Variants in TNRC6B observed in about 807,000 individuals in gnomAD.
TNRC6B encodes trinucleotide repeat-containing gene 6B protein.
TNRC6B carries 52 observed loss-of-function variants against 203.6 expected under a neutral mutation model. The observed-to-expected ratio is 0.26, with a 90% confidence interval of 0.20 to 0.32. TNRC6B has a LOEUF of 0.32. Among genes scored for constraint, TNRC6B ranks in the 10% least tolerant of loss-of-function variants. The pLI is 1.00. For synonymous variants in TNRC6B, 838 were observed against 845.7 expected (o/e 0.99, Z 0.16); for missense variants, 1,923 against 2,286.2 (o/e 0.84, Z 3.24).
At position 40,280,111 on chromosome 22, in the gene TNRC6B, G is replaced by A. The variant is rs770634666; in HGVS notation, c.3379G>A (p.Gly1127Arg). Residue 1127 changes from glycine to arginine, a missense_variant, in exon 10 of 23, where the codon GGA (glycine) becomes AGA (arginine). Coordinates refer to ENST00000454349, the MANE Select transcript of TNRC6B (RefSeq NM_001162501.2). Reference sequence around the variant, plus strand: ...CCGTCCACCTAATTCCAAAGACATGGGAACCACAGATAGTGGGCCTTATTT... The same window carrying A: ...CCGTCCACCTAATTCCAAAGACATGAGAACCACAGATAGTGGGCCTTATTT... ...GFRPPNSKDM[G>R]TTDSGPYFEK... 1 of 1,613,660 alleles carries A rather than the reference G, an allele frequency of 6.2e-7. No individual in the cohort carries two copies. Among genetic ancestry groups the A allele is most frequent in the Non-Finnish European group, 8.5e-7 (1 of 1,179,692 alleles).
At chr22:40,307,355 G>A (rs1308795848) in intron 15 of TNRC6B, among the ~76,000 whole-genome samples, 2 of 152,180 alleles carry the variant, frequency 1.3e-5, no homozygotes, top group Non-Finnish European at 2.9e-5. Flanking sequence ...CTCTGCCGTG[G>A]TGGGAGGCTT....
At chr22:40,268,645 C>G (rs2070513251) in intron 5 of TNRC6B, among the ~76,000 whole-genome samples, 1 of 152,060 alleles carries the variant, frequency 6.6e-6, no homozygotes, top group African/African-American at 2.4e-5. Flanking sequence ...GGCGCGGTGG[C>G]TCACGCCTGT....
intron 1 of TNRC6B, among the ~76,000 whole-genome samples, chr22:40,180,992 A>G (rs868274713): frequency 6.6e-6 from 1 of 152,212 alleles, no homozygotes; most frequent in African/African-American, 2.4e-5. Flanking sequence ...CATGACTGAA[A>G]GATCACAAAA....
At chr22:40,123,702 TTCTGGTTCAGCTATGCCTATAATGCATCA>T (rs1280046847) in intron 2 of TNRC6B, among the ~76,000 whole-genome samples, 36 of 152,190 alleles carry the variant, frequency 2.4e-4, no homozygotes, top group Admixed American at 2.3e-3. Context: ...CAAGGAGTTT[TTCTGGTTCAGCTATGCCTATAATGCATCA>T]TCTGGTTCAG....
chr22:40,145,347 T>A (rs1285637499), intron 3 of TNRC6B, among the ~76,000 whole-genome samples: 1 of 152,062 alleles, frequency 6.6e-6, no homozygotes, highest in Non-Finnish European at 1.5e-5. Context: ...AAAAAAAAAA[T>A]TGAGGAGCTT....
chr22:40,106,919 A>G, intron 1 of TNRC6B: 1 of 1,005,052 alleles, frequency 9.9e-7, no homozygotes, highest in Middle Eastern at 3.0e-4. Flanking sequence ...TTCATGGATA[A>G]ACTTCCTCCT....
intron 1 of TNRC6B, among the ~76,000 whole-genome samples, chr22:40,213,154 G>T (rs1402586751): frequency 2.0e-5 from 3 of 152,120 alleles, no homozygotes; most frequent in Admixed American, 2.0e-4. Flanking sequence ...GCCACACCTG[G>T]AGTAATAAAC....
intron 2 of TNRC6B, among the ~76,000 whole-genome samples, chr22:40,124,797 G>A (rs541896349): frequency 1.1e-4 from 16 of 152,050 alleles, no homozygotes; most frequent in Admixed American, 7.9e-4. Flanking sequence ...GTCGGATCAC[G>A]AGGTCAGGAG....
At chr22:40,143,583 G>A (rs1270398942) in intron 3 of TNRC6B, among the ~76,000 whole-genome samples, 2 of 152,076 alleles carry the variant, frequency 1.3e-5, no homozygotes, top group East Asian at 1.9e-4. Context: ...TCCACCTCCC[G>A]GGTTCACTTC....
chr22:40,083,148 CAG>C (rs1459807502), intron 1 of TNRC6B, among the ~76,000 whole-genome samples: 2 of 152,088 alleles, frequency 1.3e-5, no homozygotes, highest in Non-Finnish European at 2.9e-5. Context: ...AGGATAGAAT[CAG>C]AGGAGGATGA....
intron 3 of TNRC6B, among the ~76,000 whole-genome samples, chr22:40,132,482 A>G (rs1031234433): frequency 1.4e-5 from 2 of 144,010 alleles, no homozygotes; most frequent in African/African-American, 2.6e-5. Flanking sequence ...CTCCATCTCA[A>G]TAAAGGCGAG....
intron 3 of TNRC6B, among the ~76,000 whole-genome samples, chr22:40,154,085 T>C (rs899061923): frequency 1.3e-5 from 2 of 152,010 alleles, no homozygotes; most frequent in East Asian, 1.9e-4. Context: ...CTAGGCTCAA[T>C]TGATTCTCCT....
intron 1 of TNRC6B, among the ~76,000 whole-genome samples, chr22:40,077,071 G>C (rs963577998): frequency 6.8e-6 from 1 of 147,472 alleles, no homozygotes; most frequent in Non-Finnish European, 1.5e-5. Flanking sequence ...GAAAAGAAAA[G>C]AGAGAAGAGG....
At chr22:40,075,746 T>C (rs2146284836) in intron 1 of TNRC6B, among the ~76,000 whole-genome samples, 1 of 152,312 alleles carries the variant, frequency 6.6e-6, no homozygotes, top group African/African-American at 2.4e-5. Flanking sequence ...CTATTCCATC[T>C]CCTCTGTTAG....
rs189186831 is a variant in TNRC6B, at chr22:40,286,573, T to G, written c.3708+803T>G. On this transcript the variant is annotated intron_variant, in intron 12 of 22. Coordinates refer to ENST00000454349, the MANE Select transcript of TNRC6B (RefSeq NM_001162501.2). Reference sequence around the variant, plus strand: ...ATTCTGAAAATGTTGAGGAGCTGTATGCCAACATAGCAATTAGGTGCTCTA... The same window carrying G: ...ATTCTGAAAATGTTGAGGAGCTGTAGGCCAACATAGCAATTAGGTGCTCTA... Among the ~76,000 whole-genome samples the G allele has an allele frequency of 3.1e-3, 478 of 152,276 alleles. 1 individual carries two copies. The highest frequency in any genetic ancestry group is 4.4e-3 in the Non-Finnish European group (298 of 68,020).
At chr22:40,251,265 T>A in intron 3 of TNRC6B, 65 bp downstream of exon 3, 16 of 1,299,378 alleles carry the variant, frequency 1.2e-5, no homozygotes, top group Non-Finnish European at 1.7e-5. Flanking sequence ...ACACTGTTGC[T>A]GACTCAGCCT....
At chr22:40,163,965 G>A (rs1042244230) in intron 4 of TNRC6B, among the ~76,000 whole-genome samples, 3 of 152,024 alleles carry the variant, frequency 2.0e-5, no homozygotes, top group African/African-American at 7.2e-5. Flanking sequence ...TGCCTAGAGA[G>A]GTGCCTGGCA....
chr22:40,214,755 TA>T (rs1427940737), intron 1 of TNRC6B, among the ~76,000 whole-genome samples: 1 of 152,150 alleles, frequency 6.6e-6, no homozygotes, highest in Admixed American at 6.5e-5. Flanking sequence ...AGTCTTGCTA[TA>T]TTGCCCAGAT....
At chr22:40,152,432 T>G (rs558369086) in intron 3 of TNRC6B, among the ~76,000 whole-genome samples, 1 of 152,334 alleles carries the variant, frequency 6.6e-6, no homozygotes, top group African/African-American at 2.4e-5. Flanking sequence ...GTTCATGCCA[T>G]TCTTCTGCCT....
Sources: allele counts gnomAD v4.1 joint callset (sites outside exome capture counted in the v4.1 genomes callset), GRCh38; gene constraint gnomAD v4.1.1; transcripts MANE v1.5; gene names NCBI Gene and HGNC (gene_info 2026-07-23, HGNC 2026-07-21).